Variants in CRACDL observed in about 807,000 individuals in gnomAD.
CRACDL encodes the protein CRACD-like protein.
In CRACDL, 26 loss-of-function variants were observed where a neutral mutation model predicts 70.6. The observed-to-expected ratio is 0.37, with a 90% confidence interval of 0.27 to 0.51. CRACDL has a LOEUF of 0.51. Among genes scored for constraint, CRACDL ranks in the 20% least tolerant of loss-of-function variants. The pLI is 0.94. For missense variants in CRACDL, 1,283 were observed against 1,376.9 expected (o/e 0.93, Z 1.08); for synonymous variants, 618 against 615.2 (o/e 1.00, Z -0.07).
At chr2:98,857,060 C>G (rs759076766) in intron 1 of CRACDL, among the ~76,000 whole-genome samples, 11 of 152,226 alleles carry the variant, frequency 7.2e-5, no homozygotes, top group Non-Finnish European at 1.5e-4. Flanking sequence ...CATGCCATGC[C>G]TCCTTCTCTA....
intron 7 of CRACDL, among the ~76,000 whole-genome samples, chr2:98,808,151 C>G (rs1197658287): frequency 1.3e-5 from 2 of 152,196 alleles, no homozygotes; most frequent in African/African-American, 4.8e-5. Flanking sequence ...CTCACCACTC[C>G]AAGTGTCGTC....
intron 1 of CRACDL, among the ~76,000 whole-genome samples, chr2:98,888,806 T>C (rs1707864159): frequency 6.6e-6 from 1 of 151,918 alleles, no homozygotes; most frequent in South Asian, 2.1e-4. Context: ...AGGTTGAAAG[T>C]AAAAGAATGG....
intron 1 of CRACDL, among the ~76,000 whole-genome samples, chr2:98,848,662 C>A (rs1249733682): frequency 2.0e-5 from 3 of 152,208 alleles, no homozygotes; most frequent in Non-Finnish European, 4.4e-5. Flanking sequence ...TAGCTCACTG[C>A]ATCCTCAACC....
At chr2:98,830,895 A>G (rs1705513984) in intron 5 of CRACDL, among the ~76,000 whole-genome samples, 1 of 152,124 alleles carries the variant, frequency 6.6e-6, no homozygotes, top group Non-Finnish European at 1.5e-5. Flanking sequence ...AGAGTCAGAG[A>G]CCTGTGGGAT....
chr2:98,935,056 C>T (rs1392969749), intron 1 of CRACDL, among the ~76,000 whole-genome samples: 1 of 152,114 alleles, frequency 6.6e-6, no homozygotes, highest in Non-Finnish European at 1.5e-5. Context: ...CCCGTGGGAC[C>T]GAGCTCCAGG....
chr2:98,857,188 AC>A (rs1205456554), intron 1 of CRACDL, among the ~76,000 whole-genome samples: 2 of 152,226 alleles, frequency 1.3e-5, no homozygotes, highest in Non-Finnish European at 2.9e-5. Flanking sequence ...CCCGTTTACA[AC>A]ACAGCTACAT....
intron 1 of CRACDL, among the ~76,000 whole-genome samples, chr2:98,857,710 C>T (rs920422172): frequency 1.6e-4 from 24 of 151,998 alleles, no homozygotes; most frequent in Non-Finnish European, 3.2e-4. Flanking sequence ...ACCATACCAA[C>T]GACATTAAAT....
rs1351986792 is a variant in CRACDL, at chr2:98,888,034, C to A, written c.-10-41224G>T. The stretch of plus-strand genomic sequence containing the variant: ...CACTGTAAATGCACTGTCACTAGAT[C>A]ATTCAGTTTAAGATGATTAATTTTA... On this transcript the variant is annotated intron_variant, in intron 1 of 9. Transcript: ENST00000397899. Among the ~76,000 whole-genome samples the A allele has an allele frequency of 2.0e-5, 3 of 152,112 alleles. No individual in the cohort carries two copies. The East Asian group carries it at 5.8e-4, about 29-fold the overall frequency.
intron 7 of CRACDL, among the ~76,000 whole-genome samples, chr2:98,814,607 A>G (rs1005319826): frequency 9.9e-5 from 15 of 152,168 alleles, no homozygotes; most frequent in Non-Finnish European, 2.1e-4. Context: ...TGAATGTCCC[A>G]TGTGCACTTG....
chr2:98,829,868 G>A (rs1449359231), intron 5 of CRACDL, among the ~76,000 whole-genome samples: 4 of 152,180 alleles, frequency 2.6e-5, no homozygotes, highest in African/African-American at 7.2e-5. Context: ...AAAAGAAGCC[G>A]CTGGTCCTGC....
chr2:98,886,773 C>T (rs1707807448), intron 1 of CRACDL, among the ~76,000 whole-genome samples: 2 of 152,148 alleles, frequency 1.3e-5, no homozygotes, highest in Non-Finnish European at 2.9e-5. Flanking sequence ...ACAACAACAA[C>T]AAACCCTAGG....
chr2:98,893,724 C>A (rs1330764225), intron 1 of CRACDL, among the ~76,000 whole-genome samples: 1 of 152,158 alleles, frequency 6.6e-6, no homozygotes, highest in East Asian at 1.9e-4. Context: ...CCAATTACAT[C>A]ATGTAATTAA....
At chr2:98,809,801 A>G (rs1161234077) in intron 7 of CRACDL, 1 of 152,186 alleles carries the variant, frequency 6.6e-6, no homozygotes, top group Admixed American at 6.5e-5. Context: ...ATATTTTAGT[A>G]CATGTTTAGG....
intron 7 of CRACDL, among the ~76,000 whole-genome samples, chr2:98,811,516 C>CA (rs1199306759): frequency 0.21 from 9,960 of 48,504 alleles, 1,311 homozygotes; most frequent in African/African-American, 0.27. Flanking sequence ...GACTCTGTCT[C>CA]AAAAAAAAAA....
intron 1 of CRACDL, among the ~76,000 whole-genome samples, chr2:98,916,555 C>A (rs969911820): frequency 6.6e-6 from 1 of 151,966 alleles, no homozygotes; most frequent in African/African-American, 2.4e-5. Context: ...TATGAAATCT[C>A]CCATAATTCT....
intron 1 of CRACDL, among the ~76,000 whole-genome samples, chr2:98,932,463 A>G (rs903097123): frequency 6.6e-6 from 1 of 152,190 alleles, no homozygotes; most frequent in African/African-American, 2.4e-5. Context: ...AGCAGCAATT[A>G]TGACTCGGAC....
At chr2:98,864,138 T>C (rs191062835) in intron 1 of CRACDL, among the ~76,000 whole-genome samples, 1 of 152,096 alleles carries the variant, frequency 6.6e-6, no homozygotes, top group East Asian at 1.9e-4. Context: ...TATATAATAA[T>C]CAAAAAGTAG....
chr2:98,821,954 G>A lies in CRACDL; in HGVS notation c.2319C>T (p.Leu773=). ...PRKPLLQSFT[L]PHQPAPPDAG... ...CGTCGGGGGGCGCGGGCTGGTGCGG[G>A]AGCGTGAAGCTCTGCAGAAGCGGCT... Residue 773 remains leucine, a synonymous_variant, in exon 7 of 10, where the codon CTC becomes CTT. Transcript: ENST00000397899. 6.5e-7 allele frequency: 1 copy of A among 1,550,246 alleles called. No individual in the cohort carries two copies. The highest frequency in any genetic ancestry group is 8.7e-7 in the Non-Finnish European group (1 of 1,150,308).
intron 7 of CRACDL, among the ~76,000 whole-genome samples, chr2:98,814,710 T>C (rs1400161759): frequency 6.6e-6 from 1 of 152,146 alleles, no homozygotes; most frequent in Non-Finnish European, 1.5e-5. Context: ...CAACTTGACC[T>C]AATTGAAATA....
Sources: allele counts gnomAD v4.1 joint callset (sites outside exome capture counted in the v4.1 genomes callset), GRCh38; gene constraint gnomAD v4.1.1; transcripts MANE v1.5; gene names NCBI Gene and HGNC (gene_info 2026-07-23, HGNC 2026-07-21).